LEF1: variants seen among roughly 807,000 people sequenced by gnomAD.
LEF1 encodes the protein lymphoid enhancer-binding factor 1.
A neutral mutation model predicts 51.2 loss-of-function variants in LEF1; 14 were observed. The observed-to-expected ratio is 0.27, with a 90% CI of 0.18 to 0.43. LEF1 has a LOEUF of 0.43. Ranked by LOEUF, LEF1 falls within the 20% of genes least tolerant of loss-of-function variation. The probability of loss-of-function intolerance (pLI) is 1.00; values close to 1 mark genes in which losing one functional copy is unlikely to be tolerated. For missense variants in LEF1, 386 were observed against 512.0 expected (o/e 0.75, Z 2.37); for synonymous variants, 185 against 183.2 (o/e 1.01, Z -0.08).
chr4:108,158,391 A>C (rs1463368655), intron 3 of LEF1, among the ~76,000 whole-genome samples: 1 of 151,370 alleles, frequency 6.6e-6, no homozygotes, highest in Non-Finnish European at 1.5e-5. Flanking sequence ...AAAGAGGACA[A>C]GTTTTAAATG....
intron 3 of LEF1, among the ~76,000 whole-genome samples, chr4:108,134,334 A>G (rs1173431294): frequency 6.6e-6 from 1 of 152,226 alleles, no homozygotes; most frequent in Non-Finnish European, 1.5e-5. Flanking sequence ...CTTCTCCCTT[A>G]TCCACTGTGC....
chr4:108,079,368 G>T, intron 7 of LEF1, 124 bp downstream of exon 7: 1 of 1,090,724 alleles, frequency 9.2e-7, no homozygotes, highest in Non-Finnish European at 1.4e-6. Context: ...GAGTTTTCAA[G>T]GCAGAGGTGC....
chr4:108,118,053 G>C (rs1270049142), intron 3 of LEF1, among the ~76,000 whole-genome samples: 1 of 152,164 alleles, frequency 6.6e-6, no homozygotes, highest in African/African-American at 2.4e-5. Flanking sequence ...CCATTTTAGG[G>C]AGTAGGGAGT....
chr4:108,098,828 C>G (rs376864438), intron 3 of LEF1, among the ~76,000 whole-genome samples: 1 of 152,292 alleles, frequency 6.6e-6, no homozygotes, highest in East Asian at 1.9e-4. Flanking sequence ...CAGCTACTAT[C>G]AGTCAGATTG....
chr4:108,064,491 T>C (rs982316912), intron 9 of LEF1, 107 bp from the exon 10 acceptor site: 19 of 732,108 alleles, frequency 2.6e-5, no homozygotes, highest in Non-Finnish European at 3.7e-5. Flanking sequence ...TAAAGATGAC[T>C]CATTCTCTCT....
At chr4:108,078,796 A>G (rs2126286181) in intron 7 of LEF1, among the ~76,000 whole-genome samples, 1 of 152,264 alleles carries the variant, frequency 6.6e-6, no homozygotes, top group South Asian at 2.1e-4. Flanking sequence ...GAGGTTCTTA[A>G]CTTTTGCAGG....
chr4:108,089,246 C>T lies in LEF1; in HGVS notation c.426G>A (p.Val142=), dbSNP rs1464091224. ...SPPIPRTSNK[V]PVVQPSHAVH... ...CCGCATGGGATGGCTGCACCACGGG[C>T]ACTTTATTTGACTGCAAAGTAACCA... The change falls in exon 4 of 12, where the codon GTG becomes GTA. Residue 142 remains valine (V), a synonymous_variant. Transcript: ENST00000265165. The T allele has an allele frequency of 6.2e-7, 1 of 1,613,838 alleles. No individual in the cohort carries two copies. Among genetic ancestry groups the T allele is most frequent in the South Asian group, 1.1e-5 (1 of 91,034 alleles).
At chr4:108,119,167 C>T (rs184559756) in intron 3 of LEF1, among the ~76,000 whole-genome samples, 6 of 146,718 alleles carry the variant, frequency 4.1e-5, no homozygotes, top group East Asian at 2.0e-4. Context: ...CTCCCACATA[C>T]GAGATAAAAG....
At chr4:108,104,231 A>G (rs564242184) in intron 3 of LEF1, among the ~76,000 whole-genome samples, 23 of 151,862 alleles carry the variant, frequency 1.5e-4, no homozygotes, top group Non-Finnish European at 2.9e-4. Flanking sequence ...AAAGTAGATG[A>G]GGGGTTGCCA....
chr4:108,065,165 C>G (rs1371558603), intron 9 of LEF1, among the ~76,000 whole-genome samples: 1 of 152,200 alleles, frequency 6.6e-6, no homozygotes, highest in Non-Finnish European at 1.5e-5. Context: ...CTAATTTTCC[C>G]TTTTCCTTCA....
intron 1 of LEF1, chr4:108,166,590 A>G (rs1745410261): frequency 1.4e-5 from 16 of 1,132,350 alleles, no homozygotes; most frequent in Non-Finnish European, 1.6e-5. Context: ...ACAGCCCTCC[A>G]GCGCGGCCCT....
At chr4:108,096,265 A>C (rs781348100) in intron 3 of LEF1, among the ~76,000 whole-genome samples, 6 of 152,082 alleles carry the variant, frequency 3.9e-5, no homozygotes, top group Non-Finnish European at 8.8e-5. Context: ...AGAAGGAGAA[A>C]CAGGAGGAGG....
chr4:108,164,171 T>C (rs893715400), intron 2 of LEF1, among the ~76,000 whole-genome samples: 1 of 152,142 alleles, frequency 6.6e-6, no homozygotes, highest in African/African-American at 2.4e-5. Context: ...GAAAAATTTC[T>C]AGATTCTACT....
At chr4:108,165,571 A>G (rs1022498539) in intron 1 of LEF1, among the ~76,000 whole-genome samples, 2 of 152,206 alleles carry the variant, frequency 1.3e-5, no homozygotes, top group Non-Finnish European at 2.9e-5. Flanking sequence ...ATCTGATTAA[A>G]AGAAGGCTGA....
intron 3 of LEF1, among the ~76,000 whole-genome samples, chr4:108,140,779 T>A (rs910291217): frequency 6.6e-6 from 1 of 152,218 alleles, no homozygotes; most frequent in Non-Finnish European, 1.5e-5. Flanking sequence ...TAAGCATACT[T>A]GTACTTAAAG....
chr4:108,123,979 C>G (rs755886088), intron 3 of LEF1, among the ~76,000 whole-genome samples: 66 of 151,758 alleles, frequency 4.3e-4, no homozygotes, highest in Non-Finnish European at 8.5e-4. Flanking sequence ...CCCATCTCTA[C>G]AAAAAAATAA....
intron 2 of LEF1, 139 bp from the exon 3 acceptor site, chr4:108,163,840 T>G: frequency 2.4e-6 from 2 of 833,316 alleles, no homozygotes; most frequent in Non-Finnish European, 3.6e-6. Context: ...GTAACTGGAT[T>G]ATTATGCTCT....
intron 3 of LEF1, among the ~76,000 whole-genome samples, chr4:108,136,857 A>G (rs1327531900): frequency 2.0e-5 from 3 of 152,212 alleles, no homozygotes; most frequent in African/African-American, 4.8e-5. Flanking sequence ...ATGAAATTAT[A>G]TAAGTATGTA....
At position 108,167,130 on chromosome 4, in the gene LEF1, T is replaced by C. The variant is rs1034100687; in HGVS notation, c.213+425A>G. Among the ~76,000 whole-genome samples the C allele has an allele frequency of 2.0e-4, 30 of 152,156 alleles. No homozygotes were observed. Among genetic ancestry groups the C allele is most frequent in the Non-Finnish European group, 3.1e-4 (21 of 68,024 alleles). ...TTTAACGCACTTTTGCAGAGACATCTACCAAGAGATAGCGTGTGCACTTTG... is the reference window on the plus strand; with the variant it reads ...TTTAACGCACTTTTGCAGAGACATCCACCAAGAGATAGCGTGTGCACTTTG... On this transcript the variant is annotated intron_variant, in intron 1 of 11. Coordinates refer to ENST00000265165, the MANE Select transcript of LEF1 (RefSeq NM_016269.5). This position sits in a 1 kb window ranked among gnomAD's most constrained non-coding sequence, Gnocchi z 5.7.
Sources: allele counts gnomAD v4.1 joint callset (sites outside exome capture counted in the v4.1 genomes callset), GRCh38; gene constraint gnomAD v4.1.1; non-coding constraint Gnocchi (gnomAD v3.1); transcripts MANE v1.5; gene names NCBI Gene and HGNC (gene_info 2026-07-23, HGNC 2026-07-21).